KLHL29: variants seen among roughly 807,000 people sequenced by gnomAD.
KLHL29 encodes the protein kelch like family member 29, also known as kelch-like protein 29.
In KLHL29, 21 loss-of-function variants were observed where a neutral mutation model predicts 80.4. The observed-to-expected ratio is 0.26, with a 90% CI of 0.19 to 0.38. KLHL29 has a LOEUF of 0.38. Among genes scored for constraint, KLHL29 ranks in the 10% least tolerant of loss-of-function variants. The pLI, the probability that KLHL29 is intolerant of heterozygous loss-of-function variation, is 1.00. For synonymous variants in KLHL29, 511 were observed against 526.8 expected (o/e 0.97, Z 0.41); for missense variants, 867 against 1,223.9 (o/e 0.71, Z 4.35).
chr2:23,678,554 C>G (rs766544746), intron 5 of KLHL29, among the ~76,000 whole-genome samples: 40 of 152,202 alleles, frequency 2.6e-4, no homozygotes, highest in African/African-American at 7.7e-4. Flanking sequence ...TCAGCCAGGC[C>G]TGACCTAGAT....
chr2:23,418,745 C>T (rs1302585263), intron 1 of KLHL29, among the ~76,000 whole-genome samples: 1 of 152,084 alleles, frequency 6.6e-6, no homozygotes, highest in Non-Finnish European at 1.5e-5. Flanking sequence ...CTCTGAGTCT[C>T]AGCTGTTTCA....
At chr2:23,511,953 T>C (rs1202743869) in intron 2 of KLHL29, among the ~76,000 whole-genome samples, 2 of 152,164 alleles carry the variant, frequency 1.3e-5, no homozygotes, top group South Asian at 2.1e-4. Flanking sequence ...GATACACATA[T>C]TGATCCCGGC....
chr2:23,519,405 C>T (rs1193394715), intron 2 of KLHL29, among the ~76,000 whole-genome samples: 4 of 151,986 alleles, frequency 2.6e-5, no homozygotes, highest in East Asian at 3.9e-4. Flanking sequence ...CCATGGCATC[C>T]GATGACTCCC....
chr2:23,562,341 G>A lies in KLHL29; in HGVS notation c.145G>A (p.Val49Ile), dbSNP rs561931922. The change falls in exon 3 of 14, where the codon GTC becomes ATC. Residue 49 changes from valine (V) to isoleucine (I), a missense_variant. By Grantham distance (29) the Val-to-Ile change is conservative. Transcript: ENST00000486442. This position sits in a 1 kb window ranked among gnomAD's most constrained non-coding sequence, Gnocchi z 4.5. ...TGGCGGCACAGCCAGCAGCCTCAGC[G>A]TCCGGCCCGGCCTCCTGCCGCTGCC... Reference protein sequence around the residue: ...AGGGTASSLSVRPGLLPLPVV... With the variant: ...AGGGTASSLSIRPGLLPLPVV... The A allele has an allele frequency of 7.4e-5, 115 of 1,544,012 alleles. 1 individual carries two copies. Among genetic ancestry groups the A allele is most frequent in the African/African-American group, 5.7e-4 (42 of 73,076 alleles).
chr2:23,628,959 G>A (rs900985011), intron 3 of KLHL29, among the ~76,000 whole-genome samples: 2 of 152,210 alleles, frequency 1.3e-5, no homozygotes, highest in Non-Finnish European at 2.9e-5. Context: ...CCAGAGCAGG[G>A]GCTGCCCCTG....
At chr2:23,443,479 A>G (rs1342883185) in intron 1 of KLHL29, among the ~76,000 whole-genome samples, 2 of 152,194 alleles carry the variant, frequency 1.3e-5, no homozygotes, top group African/African-American at 4.8e-5. Context: ...CTTACTCTAA[A>G]ATAACCCTCC....
chr2:23,696,121 A>T lies in KLHL29; in HGVS notation c.1912A>T (p.Ile638Phe). ...CAGTGTAGTGAGTGCAGGGGACAAC[A>T]TCTACCTCTCAGGTGAGGCCCCCCG... ...FFSVVSAGDN[I>F]YLSGGMESGV... Residue 638 changes from isoleucine to phenylalanine, a missense_variant, in exon 10 of 14, where the codon ATC becomes TTC. This residue lies in a region of KLHL29 where 443 missense variants were observed against 767.0 expected (regional missense o/e 0.58). Transcript: ENST00000486442. This position sits in a 1 kb window ranked among gnomAD's most constrained non-coding sequence, Gnocchi z 5.5. 1 of 1,551,552 alleles carries T rather than the reference A, an allele frequency of 6.4e-7. No homozygotes were observed. The highest frequency in any genetic ancestry group is 8.7e-7 in the Non-Finnish European group (1 of 1,146,882).
chr2:23,589,779 G>C (rs570592997), intron 3 of KLHL29, among the ~76,000 whole-genome samples: 272 of 152,330 alleles, frequency 1.8e-3, no homozygotes, highest in African/African-American at 5.2e-3. Context: ...CCAGCACTCT[G>C]GTTACTCAGA....
chr2:23,584,649 G>T (rs759304923), intron 3 of KLHL29, among the ~76,000 whole-genome samples: 2 of 152,228 alleles, frequency 1.3e-5, no homozygotes, highest in African/African-American at 4.8e-5. Flanking sequence ...TGGGGCGGAG[G>T]GGGGCGGTGC....
At chr2:23,485,139 G>A (rs961998352) in intron 2 of KLHL29, among the ~76,000 whole-genome samples, 8 of 152,100 alleles carry the variant, frequency 5.3e-5, no homozygotes, top group African/African-American at 1.9e-4. Flanking sequence ...CCCTACACAG[G>A]CTGAAAAGGA....
intron 5 of KLHL29, among the ~76,000 whole-genome samples, chr2:23,661,036 A>G (rs1255779522): frequency 1.3e-5 from 2 of 151,164 alleles, no homozygotes; most frequent in Non-Finnish European, 2.9e-5. Context: ...TGTTTCAGAA[A>G]AAAAAAGAGA....
chr2:23,637,708 C>T (rs558621249), intron 3 of KLHL29, among the ~76,000 whole-genome samples: 1 of 152,184 alleles, frequency 6.6e-6, no homozygotes, highest in East Asian at 1.9e-4. Context: ...ATCCACACCC[C>T]CTTTCTGTCC....
intron 5 of KLHL29, among the ~76,000 whole-genome samples, chr2:23,658,563 C>T (rs1460031983): frequency 6.6e-6 from 1 of 152,196 alleles, no homozygotes; most frequent in Non-Finnish European, 1.5e-5. Context: ...TGGGCCGAAG[C>T]AGTCTGGAGG....
chr2:23,610,797 T>G (rs749216094), intron 3 of KLHL29, among the ~76,000 whole-genome samples: 4 of 152,248 alleles, frequency 2.6e-5, no homozygotes, highest in Non-Finnish European at 4.4e-5. Flanking sequence ...CACTCGCCCC[T>G]GCAAAAGTAG....
chr2:23,582,247 A>G (rs938699720), intron 3 of KLHL29, among the ~76,000 whole-genome samples: 1 of 152,230 alleles, frequency 6.6e-6, no homozygotes, highest in Admixed American at 6.5e-5. Context: ...AAACATTTTA[A>G]TTAGTTTCAT....
intron 11 of KLHL29, among the ~76,000 whole-genome samples, chr2:23,702,548 A>G (rs1672465642): frequency 6.6e-6 from 1 of 151,960 alleles, no homozygotes; most frequent in African/African-American, 2.4e-5. Flanking sequence ...CCCTGTGCCC[A>G]CTCAGTCCTG....
chr2:23,488,109 C>T (rs760924083), intron 2 of KLHL29, among the ~76,000 whole-genome samples: 3 of 152,220 alleles, frequency 2.0e-5, no homozygotes, highest in Non-Finnish European at 4.4e-5. Flanking sequence ...CTCCTTTGAA[C>T]AGAATTGCCT....
chr2:23,663,488 G>T lies in KLHL29; in HGVS notation c.940+20638G>T, dbSNP rs575471522. Among the ~76,000 whole-genome samples the T allele has an allele frequency of 2.6e-5, 4 of 152,310 alleles. No individual in the cohort carries two copies. In the East Asian group the frequency reaches 5.8e-4, roughly 22 times the overall value. ...AGGTTCCCGGGCCCGCGGAGGTGGC[G>T]CGTCTGCGAGCGCCTATTTGCATAT... On this transcript the variant is annotated intron_variant, in intron 5 of 13. Transcript: ENST00000486442.
chr2:23,626,637 C>T (rs1000136410), intron 3 of KLHL29, among the ~76,000 whole-genome samples: 1 of 152,224 alleles, frequency 6.6e-6, no homozygotes, highest in Admixed American at 6.5e-5. Flanking sequence ...GTCTCCAGAA[C>T]AGGATTGCCT....
Sources: allele counts gnomAD v4.1 joint callset (sites outside exome capture counted in the v4.1 genomes callset), GRCh38; gene constraint gnomAD v4.1.1; regional missense constraint gnomAD v4.1.1; non-coding constraint Gnocchi (gnomAD v3.1); transcripts MANE v1.5; gene names NCBI Gene and HGNC (gene_info 2026-07-23, HGNC 2026-07-21).